The following PHACTR2 variants were observed in gnomAD, a reference collection of about 807,000 sequenced individuals.
PHACTR2 encodes phosphatase and actin regulator 2.
PHACTR2 carries 30 observed loss-of-function variants against 76.0 expected under a neutral mutation model. That is an observed-to-expected ratio of 0.39 (90% CI 0.30 to 0.54). The LOEUF is 0.54. PHACTR2 is among the 20% of genes least tolerant of loss of function. The pLI is 0.61. For synonymous variants in PHACTR2, 292 were observed against 292.5 expected, an observed-to-expected ratio of 1.00 and a Z score of 0.02; for missense variants, 696 against 781.1, an observed-to-expected ratio of 0.89 and a Z score of 1.30.
At chr6:143,779,899 TTTATATTATATTATATTATATTATA>T (rs377378201) in intron 9 of PHACTR2, among the ~76,000 whole-genome samples, 3,457 of 140,978 alleles carry the variant, frequency 0.025, 51 homozygotes, top group Non-Finnish European at 0.037. Context: ...CATATACGTA[TTTATATTATATTATATTATATTATA>T]TTATATTATA....
chr6:143,768,589 C>T (rs1374551359), intron 6 of PHACTR2, among the ~76,000 whole-genome samples: 4 of 152,174 alleles, frequency 2.6e-5, no homozygotes, highest in Non-Finnish European at 5.9e-5. Flanking sequence ...CGTTCATTTC[C>T]ACAAATATTT....
chr6:143,760,060 G>T lies in PHACTR2; in HGVS notation c.455-341G>T, dbSNP rs1405208777. On this transcript the variant is annotated intron_variant, in intron 4 of 12. Transcript: ENST00000440869. The surrounding 1 kb of genome is among the most constrained non-coding windows in gnomAD (Gnocchi z 6.4). ...TCATTGTTTGTTCAATTTAAATGTA[G>T]CACTTCATGCCCACATCATCATCCA... Among the ~76,000 whole-genome samples, 1 of 152,100 alleles carries T rather than the reference G, an allele frequency of 6.6e-6. No homozygotes were observed. Among genetic ancestry groups the T allele is most frequent in the Non-Finnish European group, 1.5e-5 (1 of 68,030 alleles).
In PHACTR2 at chr6:143,743,290, C is replaced by G. The variant is rs754866888; in HGVS notation, c.215-5695C>G. Among the ~76,000 whole-genome samples, 2 of 152,104 alleles carry G rather than the reference C, an allele frequency of 1.3e-5. No homozygotes were observed. The highest frequency in any genetic ancestry group is 4.8e-5 in the African/African-American group (2 of 41,420). ...AAGAAGTAAAGTTTGACTTTAACAC[C>G]AGGCTTGCAAAAAAGAGATGGAAGG... On this transcript the variant is annotated intron_variant, in intron 2 of 12. Transcript: ENST00000440869. This position sits in a 1 kb window ranked among gnomAD's most constrained non-coding sequence, Gnocchi z 5.0.
At chr6:143,542,566 G>A (rs572187862) in intron 1 of PHACTR2, among the ~76,000 whole-genome samples, 18 of 152,190 alleles carry the variant, frequency 1.2e-4, no homozygotes, top group African/African-American at 4.1e-4. Context: ...TTGTCTCTCT[G>A]TTGACCAGCT....
rs1776341334 is a variant in PHACTR2 at position 143,818,142 on chromosome 6, AT to A, written c.1923-5531del. 6.6e-6 allele frequency among the ~76,000 whole-genome samples: 1 copy of A among 152,210 alleles called. No individual in the cohort carries two copies. Among genetic ancestry groups the A allele is most frequent in the Non-Finnish European group, 1.5e-5 (1 of 68,032 alleles). On this transcript the variant is annotated intron_variant, in intron 12 of 12. Coordinates refer to ENST00000440869, the MANE Select transcript of PHACTR2 (RefSeq NM_001100164.2). This position sits in a 1 kb window ranked among gnomAD's most constrained non-coding sequence, Gnocchi z 4.9. Reference sequence around the variant, plus strand: ...AATTAAAAATATAATAAAATAATCAATAAAAAATTTAAATAAAATTTGATTA... The same window carrying A: ...AATTAAAAATATAATAAAATAATCAAAAAAAATTTAAATAAAATTTGATTA...
At chr6:143,713,034 C>T (rs945294025) in intron 2 of PHACTR2, among the ~76,000 whole-genome samples, 2 of 152,190 alleles carry the variant, frequency 1.3e-5, no homozygotes, top group African/African-American at 4.8e-5. Flanking sequence ...CCAAGGCAAT[C>T]CCTTCATCAA....
intron 2 of PHACTR2, among the ~76,000 whole-genome samples, chr6:143,745,895 C>T (rs1218740750): frequency 6.6e-6 from 1 of 152,236 alleles, no homozygotes; most frequent in East Asian, 1.9e-4. Flanking sequence ...AAGGCTGCTG[C>T]TTCAAAGCTC....
chr6:143,784,616 G>A lies in PHACTR2; in HGVS notation c.1707+1336G>A, dbSNP rs150485724. On this transcript the variant is annotated intron_variant, in intron 10 of 12. Transcript: ENST00000440869. The surrounding 1 kb of genome is among the most constrained non-coding windows in gnomAD (Gnocchi z 4.5). Reference sequence around the variant, plus strand: ...AAAGTGTTTGGTTCTGTTTTTCAAGGAAAAACATCCTTAATTTATCCATTG... The same window carrying A: ...AAAGTGTTTGGTTCTGTTTTTCAAGAAAAAACATCCTTAATTTATCCATTG... Among the ~76,000 whole-genome samples the A allele has an allele frequency of 3.6e-3, 551 of 152,230 alleles. 4 individuals are homozygous for A. Among genetic ancestry groups the A allele is most frequent in the African/African-American group, 0.012 (519 of 41,536 alleles).
Position 143,765,163 on chromosome 6 carries a change from G to A in PHACTR2, c.695-98G>A, listed in dbSNP as rs1779526905. The A allele has an allele frequency of 1.1e-6, 1 of 926,678 alleles. No individual in the cohort carries two copies. The highest frequency in any genetic ancestry group is 1.6e-6 in the Non-Finnish European group (1 of 608,050). The allele number at this position is 926,678 out of a possible 1,614,324, so 57.4% of individuals were successfully genotyped here. A position where few individuals can be genotyped will look rare whatever the true frequency, so the allele number is the denominator to read the frequency against. On this transcript the variant is annotated intron_variant, in intron 5 of 12. Coordinates refer to ENST00000440869, the MANE Select transcript of PHACTR2 (RefSeq NM_001100164.2). The surrounding 1 kb of genome is among the most constrained non-coding windows in gnomAD (Gnocchi z 4.1). Reference sequence around the variant, plus strand: ...TACATTTATTCAACAAACTTTAAAGGGAACATTTTAAATGTTGTTGACAGT... The same window carrying A: ...TACATTTATTCAACAAACTTTAAAGAGAACATTTTAAATGTTGTTGACAGT...
Position 143,757,506 on chromosome 6 carries a change from G to C in PHACTR2, c.455-2895G>C, listed in dbSNP as rs190613472. ...GAGGACCACATGCAGCCCCAGGCTT[G>C]TTCTAAGTATCGTTGACCTCAAACC... On this transcript the variant is annotated intron_variant, in intron 4 of 12. Coordinates refer to ENST00000440869, the MANE Select transcript of PHACTR2 (RefSeq NM_001100164.2). This position sits in a 1 kb window ranked among gnomAD's most constrained non-coding sequence, Gnocchi z 4.2. 2.0e-3 allele frequency among the ~76,000 whole-genome samples: 311 copies of C among 152,328 alleles called. 5 individuals are homozygous for C. The highest frequency in any genetic ancestry group is 1.5e-3 in the East Asian group (8 of 5,176).
chr6:143,722,167 T>C lies in PHACTR2; in HGVS notation c.214+9984T>C, dbSNP rs9484800. On this transcript the variant is annotated intron_variant, in intron 2 of 12. Coordinates refer to ENST00000440869, the MANE Select transcript of PHACTR2 (RefSeq NM_001100164.2). This position sits in a 1 kb window ranked among gnomAD's most constrained non-coding sequence, Gnocchi z 4.1. The stretch of plus-strand genomic sequence containing the variant: ...TTTAATGTTCTCTTTGTGGAAAATA[T>C]CACCCAGAGCCTCCTAACAGGGTGA... Among the ~76,000 whole-genome samples the C allele has an allele frequency of 0.024, 3,732 of 152,336 alleles. 151 individuals are homozygous for C. Among genetic ancestry groups the C allele is most frequent in the African/African-American group, 0.082 (3,405 of 41,572 alleles).
At position 143,771,174 on chromosome 6, in the gene PHACTR2, GTATATATATATATA is replaced by G. The variant is rs748236479; in HGVS notation, c.1233-1082_1233-1069del. On this transcript the variant is annotated intron_variant, in intron 6 of 12. Transcript: ENST00000440869. ...TATATATATGTATATATATATATAT[GTATATATATATATA>G]TGTGTGTATATATATATATATATAT... 4.8e-3 allele frequency among the ~76,000 whole-genome samples: 330 copies of G among 68,776 alleles called. 13 individuals carry two copies. Among genetic ancestry groups the G allele is most frequent in the African/African-American group, 0.017 (275 of 15,760 alleles). 45.1% of individuals were successfully genotyped at this position (68,776 alleles called of 152,430 possible). A position where few individuals can be genotyped will look rare whatever the true frequency, so the allele number is the denominator to read the frequency against.
rs12204636 is a variant in PHACTR2 at position 143,539,656 on chromosome 6, G to C, written c.217+2449G>C. On this transcript the variant is annotated intron_variant, in intron 1 of 11. Transcript: ENST00000367584. This position sits in a 1 kb window ranked among gnomAD's most constrained non-coding sequence, Gnocchi z 4.3. Reference sequence around the variant, plus strand: ...TCTCCAGAAGCTCTGGGCACACACAGAGGCAGCACCTAGAGCAAGGTCATG... The same window carrying C: ...TCTCCAGAAGCTCTGGGCACACACACAGGCAGCACCTAGAGCAAGGTCATG... 0.19 allele frequency among the ~76,000 whole-genome samples: 29,493 copies of C among 152,072 alleles called. 3,146 individuals carry two copies. Among genetic ancestry groups the C allele is most frequent in the African/African-American group, 0.29 (12,156 of 41,460 alleles).
In PHACTR2 at chr6:143,549,150, GT is replaced by G. The variant is rs995657597; in HGVS notation, c.217+11946del. On this transcript the variant is annotated intron_variant, in intron 1 of 11. Coordinates refer to the PHACTR2 transcript ENST00000367584. This position sits in a 1 kb window ranked among gnomAD's most constrained non-coding sequence, Gnocchi z 4.2. ...CCACAGAGCTGTCTGGGCCCCTTTG[GT>G]TTCCATTCAAGGCAGCCCTCAGTGG... is the stretch of plus-strand genomic sequence containing the variant. 2.6e-4 allele frequency among the ~76,000 whole-genome samples: 39 copies of G among 152,076 alleles called. No individual in the cohort carries two copies. Among genetic ancestry groups the G allele is most frequent in the African/African-American group, 9.4e-4 (39 of 41,506 alleles).
chr6:143,719,281 G>A (rs6570576), intron 2 of PHACTR2, among the ~76,000 whole-genome samples: 83,037 of 146,940 alleles, frequency 0.57, 24,137 homozygotes, highest in African/African-American at 0.73. Context: ...GAGAAGTTAC[G>A]TAACCAGCCA....
chr6:143,749,157 C>A, intron 3 of PHACTR2, 92 bp downstream of exon 3: 1 of 709,042 alleles, frequency 1.4e-6, no homozygotes, highest in South Asian at 1.7e-5. Flanking sequence ...GGATCATGGT[C>A]TTTGTAAGGT....
intron 2 of PHACTR2, among the ~76,000 whole-genome samples, chr6:143,740,508 T>TGTAAAAAAAAAA (rs112665368): frequency 7.8e-6 from 1 of 128,688 alleles, no homozygotes; most frequent in South Asian, 2.6e-4. Flanking sequence ...TCCTTTTAAT[T>TGTAAAAAAAAAA]AAAAAAAAAA....
intron 12 of PHACTR2, among the ~76,000 whole-genome samples, chr6:143,817,014 C>T (rs932046848): frequency 6.6e-6 from 1 of 151,998 alleles, no homozygotes; most frequent in Non-Finnish European, 1.5e-5. Flanking sequence ...TGCAGTGAGC[C>T]GAGATCATGC....
intron 2 of PHACTR2, among the ~76,000 whole-genome samples, chr6:143,727,206 T>C (rs1778592116): frequency 1.3e-5 from 2 of 152,212 alleles, no homozygotes; most frequent in Admixed American, 1.3e-4. Flanking sequence ...AGAACATGTA[T>C]TTGTCTTCCT....
Sources: allele counts gnomAD v4.1 joint callset (sites outside exome capture counted in the v4.1 genomes callset), GRCh38; gene constraint gnomAD v4.1.1; non-coding constraint Gnocchi (gnomAD v3.1); transcripts MANE v1.5; gene names NCBI Gene and HGNC (gene_info 2026-07-23, HGNC 2026-07-21).